The following EIF2AK3 variants were observed in gnomAD, a reference collection of about 807,000 sequenced individuals.
The protein encoded by EIF2AK3 is eukaryotic translation initiation factor 2 alpha kinase 3.
A neutral mutation model predicts 113.5 loss-of-function variants in EIF2AK3; 50 were observed. The observed-to-expected ratio is 0.44, with a 90% CI of 0.35 to 0.56. The LOEUF (loss-of-function observed/expected upper bound fraction) is 0.56, where lower values mean the gene tolerates loss of function less well. Ranked by LOEUF, EIF2AK3 falls within the 20% of genes least tolerant of loss-of-function variation. The probability of loss-of-function intolerance (pLI) is 0.00; values close to 1 mark genes in which losing one functional copy is unlikely to be tolerated. For missense variants in EIF2AK3, 1,185 were observed against 1,378.0 expected (o/e 0.86, Z 2.22); for synonymous variants, 448 against 495.4 (o/e 0.90, Z 1.27).
intron 2 of EIF2AK3, 51 bp downstream of exon 2, chr2:88,613,673 T>C (rs1406779854): frequency 6.2e-7 from 1 of 1,605,984 alleles, no homozygotes; most frequent in African/African-American, 1.3e-5. Context: ...ATATCAGCAA[T>C]TACTCATTAG....
intron 4 of EIF2AK3, among the ~76,000 whole-genome samples, chr2:88,592,763 CAAAAA>C (rs149027884): frequency 9.6e-6 from 1 of 104,276 alleles, no homozygotes; most frequent in Non-Finnish European, 1.9e-5. Flanking sequence ...AACTCGGTCT[CAAAAA>C]AAAAAAAAAA....
intron 2 of EIF2AK3, 107 bp downstream of exon 2, chr2:88,613,617 A>T (rs1675503495): frequency 1.0e-5 from 12 of 1,203,652 alleles, no homozygotes; most frequent in Non-Finnish European, 1.5e-5. Context: ...AAACTGTAAG[A>T]GGCAGACAGG....
rs1675883076 is a variant in EIF2AK3 at position 88,627,044 on chromosome 2, C to G, written c.231G>C (p.Ala77=). The G allele has an allele frequency of 1.4e-5, 22 of 1,599,956 alleles. No homozygotes were observed. The highest frequency in any genetic ancestry group is 1.8e-5 in the Non-Finnish European group (21 of 1,177,654). ...AAEVTVEDAE[A]LPAAAGEQEP... The stretch of plus-strand genomic sequence containing the variant: ...CCTGCTCTCCCGCGGCTGCCGGCAG[C>G]GCCTCAGCGTCCTCCACAGTCACCT... The change falls in exon 1 of 17, where the codon GCG becomes GCC. Residue 77 remains alanine (A), a synonymous_variant. Coordinates refer to ENST00000303236, the MANE Select transcript of EIF2AK3 (RefSeq NM_004836.7).
chr2:88,602,671 T>C (rs774385082), intron 2 of EIF2AK3, among the ~76,000 whole-genome samples: 5 of 152,258 alleles, frequency 3.3e-5, no homozygotes, highest in Admixed American at 2.6e-4. Flanking sequence ...AATAAAAAGA[T>C]ACAACTCATT....
chr2:88,618,759 C>T (rs1218276049), intron 1 of EIF2AK3, among the ~76,000 whole-genome samples: 2 of 152,230 alleles, frequency 1.3e-5, no homozygotes, highest in Non-Finnish European at 2.9e-5. Flanking sequence ...TTACATTTTG[C>T]TGTAGCTTAC....
intron 1 of EIF2AK3, among the ~76,000 whole-genome samples, chr2:88,623,352 G>A (rs554247931): frequency 3.3e-5 from 5 of 152,194 alleles, no homozygotes; most frequent in African/African-American, 1.2e-4. Context: ...AGAAAAACAA[G>A]TTTATTTTAG....
rs749734822 is a variant in EIF2AK3, at chr2:88,583,476, T to G, written c.1717A>C (p.Asn573His). ...TTTATGTCATTCCAGCTACTGTCATTGGCTTCACCACTTACAGAATCATAT... is the reference window on the plus strand; with the variant it reads ...TTTATGTCATTCCAGCTACTGTCATGGGCTTCACCACTTACAGAATCATAT... Reference protein sequence around the residue: ...NKYDSVSGEANDSSWNDIKNS... With the variant: ...NKYDSVSGEAHDSSWNDIKNS... Residue 573 changes from asparagine to histidine, a missense_variant, in exon 10 of 17, where the codon AAT becomes CAT. Transcript: ENST00000303236. 1.1e-5 allele frequency: 17 copies of G among 1,613,218 alleles called. No individual in the cohort carries two copies. In the African/African-American group the frequency reaches 2.3e-4, roughly 22 times the overall value.
chr2:88,603,894 A>G (rs1374361077), intron 2 of EIF2AK3, among the ~76,000 whole-genome samples: 1 of 152,050 alleles, frequency 6.6e-6, no homozygotes, highest in Non-Finnish European at 1.5e-5. Context: ...CTCCCAACTC[A>G]TATCTAAACA....
chr2:88,579,452 T>C, intron 11 of EIF2AK3, 66 bp downstream of exon 11: 4 of 1,595,292 alleles, frequency 2.5e-6, no homozygotes, highest in Non-Finnish European at 1.7e-6. Context: ...GTAAGAAGGA[T>C]ATTTTACCCA....
At chr2:88,564,624 G>A (rs1347849897) in intron 14 of EIF2AK3, among the ~76,000 whole-genome samples, 2 of 152,102 alleles carry the variant, frequency 1.3e-5, no homozygotes, top group Non-Finnish European at 2.9e-5. Context: ...TGGGGTGGCC[G>A]GGACTACCTG....
chr2:88,571,453 G>GTA (rs1454448396), intron 13 of EIF2AK3, among the ~76,000 whole-genome samples: 4 of 152,158 alleles, frequency 2.6e-5, no homozygotes, highest in Non-Finnish European at 5.9e-5. Flanking sequence ...ACTGTTCAAA[G>GTA]CAGTTTACTA....
chr2:88,594,011 A>T, intron 3 of EIF2AK3: 1 of 935,980 alleles, frequency 1.1e-6, no homozygotes. Flanking sequence ...CGAAGTAAAC[A>T]GAGATTGAAG....
Position 88,571,114 on chromosome 2 carries a change from A to T in EIF2AK3, c.2818-73T>A, listed in dbSNP as rs4972221. On this transcript the variant is annotated intron_variant, in intron 13 of 16. Coordinates refer to ENST00000303236, the MANE Select transcript of EIF2AK3 (RefSeq NM_004836.7). The stretch of plus-strand genomic sequence containing the variant: ...GAAAAAGTAAAGAGAATTATTTAAA[A>T]GACTACAAAGAAAAAATACAACAAA... The T allele has an allele frequency of 0.66, 999,154 of 1,517,512 alleles. 332,613 individuals carry two copies. Among genetic ancestry groups the T allele is most frequent in the African/African-American group, 0.87 (63,199 of 72,956 alleles). The allele number at this position is 1,517,512 out of a possible 1,614,324, so 94.0% of individuals were successfully genotyped here.
intron 14 of EIF2AK3, among the ~76,000 whole-genome samples, chr2:88,566,612 AC>A (rs534640018): frequency 1.6e-4 from 25 of 152,090 alleles, no homozygotes; most frequent in Non-Finnish European, 2.4e-4. Flanking sequence ...GCACTTATCA[AC>A]CCATCATCTA....
chr2:88,580,936 A>G (rs1267895631), intron 10 of EIF2AK3, among the ~76,000 whole-genome samples: 1 of 152,166 alleles, frequency 6.6e-6, no homozygotes, highest in Non-Finnish European at 1.5e-5. Context: ...GCAAAAGCCC[A>G]CAAACTTCAT....
intron 11 of EIF2AK3, 137 bp downstream of exon 11, chr2:88,579,381 G>A (rs1343062928): frequency 7.8e-6 from 9 of 1,149,144 alleles, no homozygotes; most frequent in Non-Finnish European, 1.1e-5. Flanking sequence ...TTAATTGGCA[G>A]CACTTAGAAC....
rs371767511 is a variant in EIF2AK3, at chr2:88,585,623, G to A, written c.1650+218C>T. ...GGTGTCAAGGAAGTCAGGCAAGAAA[G>A]GTCAAAGGGAGATGTTCAACAGTGT... On this transcript the variant is annotated intron_variant, in intron 9 of 16. Transcript: ENST00000303236. 2.7e-4 allele frequency among the ~76,000 whole-genome samples: 41 copies of A among 152,250 alleles called. No homozygotes were observed. In the South Asian group the frequency reaches 7.5e-3, roughly 28 times the overall value.
At chr2:88,599,777 C>T (rs1675106265) in intron 2 of EIF2AK3, among the ~76,000 whole-genome samples, 2 of 152,022 alleles carry the variant, frequency 1.3e-5, no homozygotes, top group Admixed American at 1.3e-4. Context: ...AAAGCAGTAG[C>T]GGGTCCTTAG....
chr2:88,570,212 G>C (rs957819417), intron 14 of EIF2AK3, among the ~76,000 whole-genome samples: 1 of 151,058 alleles, frequency 6.6e-6, no homozygotes, highest in Non-Finnish European at 1.5e-5. Flanking sequence ...AAACCTTTTG[G>C]GTTCTCAGTT....
Sources: gnomAD v4.1 joint callset for allele counts (sites outside exome capture counted in the v4.1 genomes callset) on GRCh38, gnomAD v4.1.1 for gene constraint, MANE v1.5 for transcripts, NCBI Gene and HGNC (gene_info 2026-07-23, HGNC 2026-07-21) for gene names.